CLU: variants seen among roughly 807,000 people sequenced by gnomAD.
CLU encodes the protein clusterin, also known as aging-associated protein 4.
A neutral mutation model predicts 46.4 loss-of-function variants in CLU; 25 were observed. That is an observed-to-expected ratio of 0.54 (90% CI 0.39 to 0.75). The LOEUF (loss-of-function observed/expected upper bound fraction) is 0.75, where lower values mean the gene tolerates loss of function less well. Ranked by LOEUF, CLU falls within the 30% of genes least tolerant of loss-of-function variation. CLU has a pLI of 0.00. For missense variants in CLU, 504 were observed against 592.1 expected (o/e 0.85, Z 1.54); for synonymous variants, 235 against 235.1 (o/e 1.00, Z 0.00).
chr8:27,605,463 C>T (rs914531595), intron 4 of CLU, 128 bp from the exon 5 acceptor site: 6 of 956,916 alleles, frequency 6.3e-6, no homozygotes, highest in Middle Eastern at 4.5e-4. Flanking sequence ...AAGTGACCAA[C>T]AGCCCAGCTG....
chr8:27,606,871 T>C (rs1563387344), intron 3 of CLU, among the ~76,000 whole-genome samples: 1 of 152,248 alleles, frequency 6.6e-6, no homozygotes, highest in Non-Finnish European at 1.5e-5. Flanking sequence ...TCTCTGCTTC[T>C]GGTGTTTAAA....
chr8:27,604,960 G>A lies in CLU; in HGVS notation c.793C>T (p.Pro265Ser). Residue 265 changes from proline (P) to serine (S), a missense_variant, in exon 5 of 9, where the codon CCG (proline) becomes TCG (serine). Pro to Ser is a moderately conservative substitution (Grantham distance 74). Around this residue, in one of 3 missense-constraint regions of CLU, gnomAD observed 428 missense variants for 484.0 expected, o/e 0.88. Coordinates refer to ENST00000316403, the MANE Select transcript of CLU (RefSeq NM_001831.4). ...QQAMDIHFHSPAFQHPPTEFI... is the reference protein window; with the variant it reads ...QQAMDIHFHSSAFQHPPTEFI... ...TCTGTTGGCGGGTGCTGGAAGGCCGGGCTATGGAAGTGGATGTCCATGGCC... is the reference window on the plus strand; with the variant it reads ...TCTGTTGGCGGGTGCTGGAAGGCCGAGCTATGGAAGTGGATGTCCATGGCC... The A allele has an allele frequency of 6.2e-7, 1 of 1,614,122 alleles. No homozygotes were observed. The highest frequency in any genetic ancestry group is 1.1e-5 in the South Asian group (1 of 91,076).
Position 27,597,400 on chromosome 8 carries a change from G to A in CLU, c.*841C>T, listed in dbSNP as rs1489418166. 2.0e-5 allele frequency: 9 copies of A among 454,538 alleles called. No individual in the cohort carries two copies. The Admixed American group carries it at 2.1e-4, about 11-fold the overall frequency. 28.2% of individuals were successfully genotyped at this position (454,538 alleles called of 1,614,324 possible). ...AGCCGAGAAACGCCTGTGGTCCAGG[G>A]AAAGGTATGAAGATCATATAAACCG... On this transcript the variant is annotated 3_prime_UTR_variant, in exon 9 of 9. Coordinates refer to ENST00000316403, the MANE Select transcript of CLU (RefSeq NM_001831.4).
In CLU at chr8:27,608,950, C is replaced by G; in HGVS notation, c.234G>C (p.Lys78Asn). ...GGCTCCTCCTGACCTCTTTCTTCTTCTTGGCTTCTTCTAGGTTGCTGAGCA... is the reference window on the plus strand; with the variant it reads ...GGCTCCTCCTGACCTCTTTCTTCTTGTTGGCTTCTTCTAGGTTGCTGAGCA... ...KTLLSNLEEAKKKKEDALNET... is the reference protein window; with the variant it reads ...KTLLSNLEEANKKKEDALNET... The change falls in exon 3 of 9, where the codon AAG becomes AAC. Residue 78 changes from lysine (K) to asparagine (N), a missense_variant. Around this residue, in one of 3 missense-constraint regions of CLU, gnomAD observed 73 missense variants for 91.2 expected, o/e 0.80. Transcript: ENST00000316403. The G allele has an allele frequency of 6.2e-7, 1 of 1,614,206 alleles. No homozygotes were observed. The highest frequency in any genetic ancestry group is 1.1e-5 in the South Asian group (1 of 91,090).
chr8:27,610,427 G>T, intron 2 of CLU, 48 bp downstream of exon 2: 1 of 1,480,912 alleles, frequency 6.8e-7, no homozygotes, highest in Non-Finnish European at 9.4e-7. Context: ...CCTGCCCTCT[G>T]ACCTCATCAC....
intron 4 of CLU, among the ~76,000 whole-genome samples, chr8:27,606,117 G>T (rs1424086822): frequency 6.6e-6 from 1 of 152,136 alleles, no homozygotes; most frequent in Non-Finnish European, 1.5e-5. Flanking sequence ...AGTTTATTAT[G>T]TCATCCAGCT....
intron 6 of CLU, among the ~76,000 whole-genome samples, chr8:27,602,094 A>C (rs1800732187): frequency 1.3e-5 from 2 of 152,174 alleles, no homozygotes; most frequent in African/African-American, 4.8e-5. Flanking sequence ...CTGTCTTAAA[A>C]AAATAATAAT....
At chr8:27,610,384 C>T in intron 2 of CLU, 91 bp downstream of exon 2, 1 of 1,033,526 alleles carries the variant, frequency 9.7e-7, no homozygotes, top group South Asian at 1.3e-5. Flanking sequence ...AACACTGGGG[C>T]CTGATAGAGA....
At position 27,604,380 on chromosome 8, in the gene CLU, C is replaced by T. The variant is rs139565837; in HGVS notation, c.845G>A (p.Arg282Gln). The change falls in exon 6 of 9, where the codon CGG becomes CAG. Residue 282 changes from arginine to glutamine, a missense_variant. Coordinates refer to ENST00000316403, the MANE Select transcript of CLU (RefSeq NM_001831.4). Reference sequence around the variant, plus strand: ...GTGGCGGATCTCCCGGCACACAGTCCGGTCATCGTCGCCTTCTGGGGACAC... The same window carrying T: ...GTGGCGGATCTCCCGGCACACAGTCTGGTCATCGTCGCCTTCTGGGGACAC... ...TEFIREGDDD[R>Q]TVCREIRHNS... 7.4e-6 allele frequency: 12 copies of T among 1,614,052 alleles called. No individual in the cohort carries two copies. The highest frequency in any genetic ancestry group is 4.0e-5 in the African/African-American group (3 of 74,928).
chr8:27,603,790 C>A (rs1800763442), intron 6 of CLU, among the ~76,000 whole-genome samples: 1 of 152,158 alleles, frequency 6.6e-6, no homozygotes, highest in African/African-American at 2.4e-5. Context: ...AAGTTATTAA[C>A]CTTTCTGTGG....
intron 1 of CLU, chr8:27,611,363 TC>T (rs769788652): frequency 4.4e-6 from 2 of 456,794 alleles, no homozygotes; most frequent in Non-Finnish European, 8.8e-6. Flanking sequence ...GGATGAGTCC[TC>T]TTGCTCTGCC....
chr8:27,608,300 A>G (rs1206961989), intron 3 of CLU, among the ~76,000 whole-genome samples: 1 of 152,258 alleles, frequency 6.6e-6, no homozygotes, highest in Non-Finnish European at 1.5e-5. Flanking sequence ...AAATGCTTTT[A>G]ACATGCACGA....
chr8:27,602,608 A>G lies in CLU; in HGVS notation c.934+1683T>C, dbSNP rs1800741428. Among the ~76,000 whole-genome samples the G allele has an allele frequency of 2.6e-5, 4 of 152,136 alleles. No individual in the cohort carries two copies. In the South Asian group the frequency reaches 8.3e-4, roughly 32 times the overall value. On this transcript the variant is annotated intron_variant, in intron 6 of 8. Transcript: ENST00000316403. The stretch of plus-strand genomic sequence containing the variant: ...AGAGAGAGACCCTGTCTCAAAAAAA[A>G]AAAAAAAAATCAACAGCGCTGAAAT...
chr8:27,603,434 G>A (rs901853890), intron 6 of CLU, among the ~76,000 whole-genome samples: 4 of 152,170 alleles, frequency 2.6e-5, no homozygotes, highest in African/African-American at 9.7e-5. Context: ...CATTAAGTAA[G>A]AGCAAAGCCA....
rs772478867 is a variant in CLU, at chr8:27,598,500, C to T, written c.1300G>A (p.Val434Met). 19 of 1,613,986 alleles carry T rather than the reference C, an allele frequency of 1.2e-5. No individual in the cohort carries two copies. The highest frequency in any genetic ancestry group is 2.2e-5 in the East Asian group (1 of 44,876). Reference sequence around the variant, plus strand: ...TATTCCTGCAGCGCTTTCTCCGCCACGGTCTCCATAAATTTAGGGTTCTTC... The same window carrying T: ...TATTCCTGCAGCGCTTTCTCCGCCATGGTCTCCATAAATTTAGGGTTCTTC... ...SRKNPKFMET[V>M]AEKALQEYRK... Residue 434 changes from valine to methionine, a missense_variant, in exon 8 of 9, where the codon GTG becomes ATG. Val to Met is a conservative substitution (Grantham distance 21). Coordinates refer to ENST00000316403, the MANE Select transcript of CLU (RefSeq NM_001831.4).
intron 6 of CLU, among the ~76,000 whole-genome samples, chr8:27,603,595 G>T (rs765349771): frequency 5.3e-5 from 8 of 152,172 alleles, no homozygotes; most frequent in Admixed American, 1.3e-4. Flanking sequence ...AACGGAGGGG[G>T]ACAGTTAAAG....
At chr8:27,608,867 C>G in intron 3 of CLU, 71 bp downstream of exon 3, 3 of 1,561,864 alleles carry the variant, frequency 1.9e-6, no homozygotes, top group Non-Finnish European at 2.6e-6. Context: ...AGCAGGGCAC[C>G]GCGCAGTGAC....
intron 3 of CLU, among the ~76,000 whole-genome samples, chr8:27,608,038 C>T (rs1470720251): frequency 1.3e-5 from 2 of 152,176 alleles, no homozygotes; most frequent in East Asian, 3.8e-4. Flanking sequence ...ATGCCCCTTC[C>T]CCAGGAGCTA....
chr8:27,603,995 G>A (rs1800767469), intron 6 of CLU, among the ~76,000 whole-genome samples: 1 of 152,218 alleles, frequency 6.6e-6, no homozygotes, highest in Admixed American at 6.5e-5. Flanking sequence ...CCAGGGGGAT[G>A]ACTTTTTTCA....
Sources: allele counts gnomAD v4.1 joint callset (sites outside exome capture counted in the v4.1 genomes callset), GRCh38; gene constraint gnomAD v4.1.1; regional missense constraint gnomAD v4.1.1; transcripts MANE v1.5; gene names NCBI Gene and HGNC (gene_info 2026-07-23, HGNC 2026-07-21).